The following SNX30 variants were observed in gnomAD, a reference collection of about 807,000 sequenced individuals.
The protein encoded by SNX30 is sorting nexin-30.
Under a neutral mutation model 46.4 loss-of-function variants are expected in SNX30, and 24 were observed. That is an observed-to-expected ratio of 0.52 (90% CI 0.37 to 0.73). The LOEUF (loss-of-function observed/expected upper bound fraction) is 0.73, where lower values mean the gene tolerates loss of function less well. Among genes scored for constraint, SNX30 ranks in the 30% least tolerant of loss-of-function variants. SNX30 has a pLI of 0.00. For synonymous variants in SNX30, 189 were observed against 211.5 expected (o/e 0.89, Z 0.92); for missense variants, 533 against 555.7 (o/e 0.96, Z 0.41).
At chr9:112,853,386 C>T (rs1042527627) in intron 7 of SNX30, among the ~76,000 whole-genome samples, 16 of 152,296 alleles carry the variant, frequency 1.1e-4, no homozygotes, top group Middle Eastern at 3.4e-3. Flanking sequence ...TGCCTATGGC[C>T]GGCCCCACTG....
chr9:112,810,338 G>A, intron 2 of SNX30, among the ~76,000 whole-genome samples: 1 of 152,134 alleles, frequency 6.6e-6, no homozygotes, highest in Non-Finnish European at 1.5e-5. Context: ...TTCTCCTCTA[G>A]CAGTGTGCTC....
intron 1 of SNX30, among the ~76,000 whole-genome samples, chr9:112,794,359 G>A (rs1030588613): frequency 6.6e-6 from 1 of 152,064 alleles, no homozygotes; most frequent in Non-Finnish European, 1.5e-5. Flanking sequence ...TACCATGTTG[G>A]TCAGGTTGGT....
chr9:112,766,274 A>G (rs79577844), intron 1 of SNX30, among the ~76,000 whole-genome samples: 4,811 of 152,162 alleles, frequency 0.032, 105 homozygotes, highest in Non-Finnish European at 0.042. Context: ...ATGGGTGAAT[A>G]ATACTTCATT....
intron 6 of SNX30, among the ~76,000 whole-genome samples, chr9:112,845,018 G>C (rs1001188416): frequency 3.3e-5 from 5 of 152,198 alleles, no homozygotes; most frequent in African/African-American, 1.2e-4. Context: ...AGATTATACA[G>C]AGTGGCTAAT....
rs529067818 is a variant in SNX30 at position 112,833,550 on chromosome 9, C to T, written c.619-2664C>T. Among the ~76,000 whole-genome samples, 23 of 152,286 alleles carry T rather than the reference C, an allele frequency of 1.5e-4. No individual in the cohort carries two copies. The South Asian group carries it at 3.7e-3, about 25-fold the overall frequency. On this transcript the variant is annotated intron_variant, in intron 4 of 8. Coordinates refer to ENST00000374232, the MANE Select transcript of SNX30 (RefSeq NM_001012994.2). ...GTAGTAATACTGGGAGAAATGGGGACGCTCAATAGCAACTATATTCAAGTC... is the reference window on the plus strand; with the variant it reads ...GTAGTAATACTGGGAGAAATGGGGATGCTCAATAGCAACTATATTCAAGTC...
At chr9:112,865,846 G>C (rs1056362457) in intron 8 of SNX30, among the ~76,000 whole-genome samples, 1 of 151,364 alleles carries the variant, frequency 6.6e-6, no homozygotes, top group Non-Finnish European at 1.5e-5. Context: ...AGTGCAGTCT[G>C]TTACCCAGAG....
chr9:112,816,893 G>A (rs1840405198), intron 2 of SNX30, among the ~76,000 whole-genome samples: 1 of 152,054 alleles, frequency 6.6e-6, no homozygotes, highest in African/African-American at 2.4e-5. Flanking sequence ...TAAAAATCTT[G>A]TTTTGGTAAA....
intron 6 of SNX30, among the ~76,000 whole-genome samples, chr9:112,843,850 T>C (rs914301640): frequency 6.6e-6 from 1 of 152,090 alleles, no homozygotes; most frequent in Non-Finnish European, 1.5e-5. Context: ...CCTGACCTCA[T>C]GATCCACCCA....
intron 1 of SNX30, among the ~76,000 whole-genome samples, chr9:112,768,406 G>C (rs903259467): frequency 6.6e-6 from 1 of 152,152 alleles, no homozygotes; most frequent in South Asian, 2.1e-4. Context: ...CCTAATTCCA[G>C]ATACAGAGAT....
At chr9:112,883,258 A>T (rs375765745), downstream of SNX30, among the ~76,000 whole-genome samples, 6 of 148,570 alleles carry the variant, frequency 4.0e-5, no homozygotes, top group African/African-American at 1.2e-4. Flanking sequence ...GGAAGAGCAT[A>T]TGTCAGCTCT....
At chr9:112,759,796 T>A (rs1268682675) in intron 1 of SNX30, among the ~76,000 whole-genome samples, 3 of 152,022 alleles carry the variant, frequency 2.0e-5, no homozygotes, top group Non-Finnish European at 2.9e-5. Context: ...CCCCACCACT[T>A]AGAGTCTTGG....
intron 2 of SNX30, among the ~76,000 whole-genome samples, chr9:112,816,383 C>G (rs1164658089): frequency 6.6e-6 from 1 of 152,214 alleles, no homozygotes; most frequent in Admixed American, 6.5e-5. Context: ...TCCTCTCTCT[C>G]CAGTCCTACA....
Position 112,813,319 on chromosome 9 carries a change from A to G in SNX30, c.349-4386A>G, listed in dbSNP as rs532496498. ...TCTCTACAAAAAAAACAAACAAAAA[A>G]ACCACCAAAAATCAGCCAGATATGG... On this transcript the variant is annotated intron_variant, in intron 2 of 8. Transcript: ENST00000374232. Among the ~76,000 whole-genome samples, 28 of 150,422 alleles carry G rather than the reference A, an allele frequency of 1.9e-4. 1 individual carries two copies. In the East Asian group the frequency reaches 5.3e-3, roughly 28 times the overall value.
intron 1 of SNX30, among the ~76,000 whole-genome samples, chr9:112,788,594 G>T (rs1839967614): frequency 6.6e-6 from 1 of 152,202 alleles, no homozygotes; most frequent in Non-Finnish European, 1.5e-5. Flanking sequence ...GGGACCTCAT[G>T]CTTGTTACGT....
At chr9:112,786,079 C>T (rs1839919065) in intron 1 of SNX30, among the ~76,000 whole-genome samples, 1 of 151,496 alleles carries the variant, frequency 6.6e-6, no homozygotes, top group African/African-American at 2.4e-5. Flanking sequence ...CAGATGGATA[C>T]CCTGTAGTTG....
At chr9:112,850,204 C>G (rs755190717) in intron 6 of SNX30, among the ~76,000 whole-genome samples, 1 of 152,226 alleles carries the variant, frequency 6.6e-6, no homozygotes, top group Non-Finnish European at 1.5e-5. Context: ...AGCCTTCACT[C>G]TGGTGGGCTG....
At chr9:112,768,318 C>T (rs561504694) in intron 1 of SNX30, among the ~76,000 whole-genome samples, 2 of 152,214 alleles carry the variant, frequency 1.3e-5, no homozygotes, top group East Asian at 1.9e-4. Context: ...GCTTTAGAAC[C>T]TCGCTACTTA....
chr9:112,819,064 A>G (rs899426685), intron 3 of SNX30, among the ~76,000 whole-genome samples: 3 of 152,186 alleles, frequency 2.0e-5, no homozygotes, highest in Admixed American at 6.5e-5. Flanking sequence ...ATAATTTTTA[A>G]AAAATAAACT....
intron 1 of SNX30, among the ~76,000 whole-genome samples, chr9:112,768,653 T>TC (rs375229219): frequency 0.64 from 49,826 of 77,902 alleles, 15,381 homozygotes; most frequent in South Asian, 0.77. Context: ...TCTTCTTTTT[T>TC]TTTTTTTTTT....
Sources: gnomAD v4.1 joint callset for allele counts (sites outside exome capture counted in the v4.1 genomes callset) on GRCh38, gnomAD v4.1.1 for gene constraint, MANE v1.5 for transcripts, NCBI Gene and HGNC (gene_info 2026-07-23, HGNC 2026-07-21) for gene names.